Variants in WARS1 observed in about 807,000 individuals in gnomAD.
WARS1 encodes the protein tryptophan--tRNA ligase, cytoplasmic.
WARS1 carries 17 observed loss-of-function variants against 47.8 expected under a neutral mutation model. The observed-to-expected ratio is 0.36, with a 90% confidence interval of 0.24 to 0.53. The LOEUF (loss-of-function observed/expected upper bound fraction) is 0.53. Among genes scored for constraint, WARS1 ranks in the 20% least tolerant of loss-of-function variants. The pLI, the probability that WARS1 is intolerant of heterozygous loss-of-function variation, is 0.91. For missense variants in WARS1, 434 were observed against 608.0 expected (o/e 0.71, Z 3.01); for synonymous variants, 208 against 228.1 (o/e 0.91, Z 0.79).
chr14:100,361,285 CT>C (rs1895643571), intron 3 of WARS1, among the ~76,000 whole-genome samples: 1 of 152,242 alleles, frequency 6.6e-6, no homozygotes. Flanking sequence ...ACAGTAAGAA[CT>C]TGCCCGATGT....
At chr14:100,363,881 C>A (rs986629880) in intron 2 of WARS1, among the ~76,000 whole-genome samples, 3 of 152,130 alleles carry the variant, frequency 2.0e-5, no homozygotes, top group African/African-American at 7.2e-5. Flanking sequence ...CCTGCCTTGG[C>A]CTCCTAAGTG....
chr14:100,337,801 T>C (rs111236563), intron 9 of WARS1, among the ~76,000 whole-genome samples: 1,909 of 151,836 alleles, frequency 0.013, 44 homozygotes, highest in African/African-American at 0.044. Flanking sequence ...GAGGTTATAG[T>C]GGACTGTGAT....
rs1896360494 is a variant in WARS1, at chr14:100,371,677, G to A, written c.-73-2419C>T. On this transcript the variant is annotated intron_variant, in intron 1 of 10. Transcript: ENST00000392882. ...TTGAACCTGGGAGGCAGAGGTTGCA[G>A]TGAGCTGAGACCATGCCACTGCACT... 2.0e-5 allele frequency among the ~76,000 whole-genome samples: 3 copies of A among 152,158 alleles called. No homozygotes were observed. The South Asian group carries it at 6.2e-4, about 32-fold the overall frequency.
At position 100,342,447 on chromosome 14, in the gene WARS1, G is replaced by A. The variant is rs780281966; in HGVS notation, c.1064C>T (p.Pro355Leu). The A allele has an allele frequency of 6.2e-7, 1 of 1,614,086 alleles. No homozygotes were observed. The highest frequency in any genetic ancestry group is 2.2e-5 in the East Asian group (1 of 44,852). ...GTCGGTGAGGAAGATGGAGGAGTTG[G>A]GGTCGCTGGCACTCATTTTGGTCTG... ...GAQTKMSASD[P>L]NSSIFLTDTA... Residue 355 changes from proline (P) to leucine (L), a missense_variant, in exon 9 of 11, where the codon CCC becomes CTC. By Grantham distance (98) the Pro-to-Leu change is moderately conservative. Coordinates refer to ENST00000392882, the MANE Select transcript of WARS1 (RefSeq NM_004184.4).
At chr14:100,348,480 C>T (rs1487836850) in intron 6 of WARS1, among the ~76,000 whole-genome samples, 1 of 152,180 alleles carries the variant, frequency 6.6e-6, no homozygotes, top group Non-Finnish European at 1.5e-5. Flanking sequence ...TGTGAAGGGG[C>T]ATGCCAGGAG....
intron 4 of WARS1, among the ~76,000 whole-genome samples, chr14:100,354,831 TC>T (rs140167296): frequency 0.021 from 3,245 of 152,290 alleles, 109 homozygotes; most frequent in African/African-American, 0.075. Context: ...TTACTGGGAC[TC>T]CTGGAATCCC....
intron 4 of WARS1, among the ~76,000 whole-genome samples, chr14:100,357,573 T>C (rs879266368): frequency 2.0e-5 from 3 of 152,084 alleles, no homozygotes; most frequent in African/African-American, 7.2e-5. Context: ...GTGATTCTCC[T>C]GCCTTAGCCT....
intron 4 of WARS1, among the ~76,000 whole-genome samples, chr14:100,359,632 A>AAT (rs1895537392): frequency 6.6e-6 from 1 of 152,182 alleles, no homozygotes; most frequent in Non-Finnish European, 1.5e-5. Flanking sequence ...TTTTCACAAA[A>AAT]AATTTTTACA....
chr14:100,342,365 C>A lies in WARS1; in HGVS notation c.1113+33G>T, dbSNP rs773746159. On this transcript the variant is annotated intron_variant, in intron 9 of 10. Transcript: ENST00000392882. ...GCCCCCCAGGGCATGTTTCTGATCC[C>A]GCTGGCTGCCCTCTGCCTGGGCCAC... 2.5e-6 allele frequency: 4 copies of A among 1,612,108 alleles called. No individual in the cohort carries two copies. The Admixed American group carries it at 5.0e-5, about 20-fold the overall frequency.
intron 4 of WARS1, among the ~76,000 whole-genome samples, 153 bp from the exon 5 acceptor site, chr14:100,354,719 G>A (rs1895203351): frequency 1.3e-5 from 2 of 152,190 alleles, no homozygotes; most frequent in South Asian, 4.1e-4. Context: ...TATAAATATA[G>A]ACAGGAAACT....
Position 100,369,158 on chromosome 14 carries a change from G to A in WARS1, c.28C>T (p.Leu10=). Residue 10 remains leucine, a synonymous_variant, in exon 2 of 11, where the codon CTG becomes TTG. Coordinates refer to ENST00000392882, the MANE Select transcript of WARS1 (RefSeq NM_004184.4). Reference sequence around the variant, plus strand: ...GTGGCGATGCTGTTGAACAGCTCCAGCAGAGATGCGGGCTCACTGTTGGGC... The same window carrying A: ...GTGGCGATGCTGTTGAACAGCTCCAACAGAGATGCGGGCTCACTGTTGGGC... MPNSEPASL[L]ELFNSIATQG... 6.5e-7 allele frequency: 1 copy of A among 1,543,090 alleles called. No homozygotes were observed. Among genetic ancestry groups the A allele is most frequent in the Non-Finnish European group, 8.8e-7 (1 of 1,132,632 alleles).
At chr14:100,341,562 C>G (rs532323289) in intron 9 of WARS1, among the ~76,000 whole-genome samples, 2 of 152,314 alleles carry the variant, frequency 1.3e-5, no homozygotes, top group South Asian at 4.1e-4. Context: ...ACACTTGATT[C>G]CAAAGAAAAT....
chr14:100,368,444 A>G (rs1264009859), intron 2 of WARS1: 1 of 456,062 alleles, frequency 2.2e-6, no homozygotes, highest in Non-Finnish European at 4.4e-6. Flanking sequence ...CGAATGCTTC[A>G]TTTCCACCTG....
At chr14:100,356,100 G>T (rs1182152069) in intron 4 of WARS1, among the ~76,000 whole-genome samples, 1 of 152,034 alleles carries the variant, frequency 6.6e-6, no homozygotes, top group Non-Finnish European at 1.5e-5. Flanking sequence ...GCTACTAAGG[G>T]AACCCAGTTA....
At chr14:100,363,096 G>C (rs1370411259) in intron 2 of WARS1, among the ~76,000 whole-genome samples, 1 of 152,152 alleles carries the variant, frequency 6.6e-6, no homozygotes, top group Non-Finnish European at 1.5e-5. Context: ...CTCAGTACTT[G>C]CAAAAAATAA....
intron 2 of WARS1, among the ~76,000 whole-genome samples, chr14:100,363,689 C>T (rs1895786927): frequency 6.6e-6 from 1 of 152,118 alleles, no homozygotes. Context: ...GAAGTGAGAT[C>T]CCCACCCCAC....
chr14:100,356,396 T>TGGGG (rs1555381563), intron 4 of WARS1, among the ~76,000 whole-genome samples: 24 of 98,860 alleles, frequency 2.4e-4, no homozygotes, highest in African/African-American at 3.3e-4. Flanking sequence ...TGTGTGTGTG[T>TGGGG]GTGGGGGGGG....
chr14:100,364,718 C>T lies in WARS1; in HGVS notation c.100-2797G>A, dbSNP rs558141728. 4.6e-5 allele frequency among the ~76,000 whole-genome samples: 7 copies of T among 152,264 alleles called. No homozygotes were observed. In the East Asian group the frequency reaches 9.6e-4, roughly 21 times the overall value. On this transcript the variant is annotated intron_variant, in intron 2 of 10. Coordinates refer to ENST00000392882, the MANE Select transcript of WARS1 (RefSeq NM_004184.4). ...AAGTTGACTAAAATAATGAACATAACTGCAGTCACTAAGAATTACTAACTA... is the reference window on the plus strand; with the variant it reads ...AAGTTGACTAAAATAATGAACATAATTGCAGTCACTAAGAATTACTAACTA...
chr14:100,339,317 C>T (rs921913798), intron 9 of WARS1, among the ~76,000 whole-genome samples: 53 of 150,978 alleles, frequency 3.5e-4, no homozygotes, highest in Middle Eastern at 6.9e-3. Context: ...GAGGGGCTGG[C>T]GCAGTGGCTC....
Sources: allele counts gnomAD v4.1 joint callset (sites outside exome capture counted in the v4.1 genomes callset), GRCh38; gene constraint gnomAD v4.1.1; transcripts MANE v1.5; gene names NCBI Gene and HGNC (gene_info 2026-07-23, HGNC 2026-07-21).